The following KASH5 variants were observed in gnomAD, a reference collection of about 807,000 sequenced individuals.
The protein encoded by KASH5 is KASH domain containing 5, also known as protein KASH5.
Under a neutral mutation model 84.2 loss-of-function variants are expected in KASH5, and 72 were observed. The ratio of observed to expected loss-of-function variants is 0.85; its 90% confidence interval spans 0.71 to 1.04. The LOEUF (loss-of-function observed/expected upper bound fraction) is 1.04. Among genes scored for constraint, KASH5 ranks in the 50% least tolerant of loss-of-function variants. KASH5 has a pLI of 0.00. For missense variants in KASH5, 650 were observed against 701.0 expected (o/e 0.93, Z 0.82); for synonymous variants, 260 against 279.1 (o/e 0.93, Z 0.68).
intron 9 of KASH5, among the ~76,000 whole-genome samples, chr19:49,406,156 GAA>G (rs1284118212): frequency 6.7e-6 from 1 of 150,306 alleles, no homozygotes; most frequent in Admixed American, 6.6e-5. Context: ...ATCTGGAGGA[GAA>G]ACATCTCAGT....
At position 49,388,849 on chromosome 19, in the gene KASH5, A is replaced by G. The variant is rs1366954567; in HGVS notation, c.-96+522A>G. ...TGCCAGAAACTTTCCCCAAAATCCT[A>G]TTACTCTCCCCAGATCAGCAGAGCC... On this transcript the variant is annotated intron_variant, in intron 1 of 19. Coordinates refer to ENST00000447857, the MANE Select transcript of KASH5 (RefSeq NM_144688.5). Among the ~76,000 whole-genome samples, 35 of 151,802 alleles carry G rather than the reference A, an allele frequency of 2.3e-4. 1 individual carries two copies. Among genetic ancestry groups the G allele is most frequent in the Admixed American group, 2.2e-3 (33 of 15,244 alleles).
At chr19:49,415,815 C>T (rs1974887465) in intron 17 of KASH5, among the ~76,000 whole-genome samples, 1 of 152,210 alleles carries the variant, frequency 6.6e-6, no homozygotes, top group Non-Finnish European at 1.5e-5. Flanking sequence ...TGGGTCCCTG[C>T]CTGGCACAGC....
At position 49,407,653 on chromosome 19, in the gene KASH5, A is replaced by G; in HGVS notation, c.975A>G (p.Glu325=). ...AGAGCCTGGCCCAGACCCTGGAAGA[A>G]TACAGAGTGACGACGCAGGTAACTC... The part of the protein sequence containing the change: ...DVESLAQTLE[E]YRVTTQELRL... The change falls in exon 12 of 20, where the codon GAA becomes GAG. Residue 325 remains glutamate (E), a synonymous_variant. Coordinates refer to ENST00000447857, the MANE Select transcript of KASH5 (RefSeq NM_144688.5). 1.9e-6 allele frequency: 3 copies of G among 1,605,052 alleles called. No homozygotes were observed. Among genetic ancestry groups the G allele is most frequent in the East Asian group, 2.3e-5 (1 of 44,384 alleles).
chr19:49,400,049 C>T (rs1457691016), intron 9 of KASH5, among the ~76,000 whole-genome samples: 1 of 151,942 alleles, frequency 6.6e-6, no homozygotes, highest in East Asian at 1.9e-4. Context: ...GGCAACATGG[C>T]AAAACCTTGC....
chr19:49,415,180 G>GGGAGGCCT lies in KASH5; in HGVS notation c.1374+191_1374+198dup, dbSNP rs1215789892. ...CTAATGAGAGCGATGGTGAGGTGGG[G>GGGAGGCCT]GGAGGCCTGGAGGCTAGTGGGCGGC... On this transcript the variant is annotated intron_variant, in intron 17 of 19. Coordinates refer to ENST00000447857, the MANE Select transcript of KASH5 (RefSeq NM_144688.5). 8.9e-6 allele frequency: 6 copies of GGGAGGCCT among 672,760 alleles called. 1 individual carries two copies. The highest frequency in any genetic ancestry group is 1.5e-5 in the Non-Finnish European group (6 of 389,418). 41.7% of individuals were successfully genotyped at this position (672,760 alleles called of 1,614,324 possible).
chr19:49,394,726 A>G (rs1600899016), intron 3 of KASH5, 146 bp downstream of exon 3: 2 of 641,156 alleles, frequency 3.1e-6, no homozygotes, highest in South Asian at 3.7e-5. Context: ...GGGAAGCTTC[A>G]GGAAGAAGAA....
At chr19:49,405,773 A>G (rs969006931) in intron 9 of KASH5, among the ~76,000 whole-genome samples, 30 of 151,858 alleles carry the variant, frequency 2.0e-4, no homozygotes, top group African/African-American at 7.3e-4. Flanking sequence ...CCTGGCCAAC[A>G]TAGTGAAACC....
chr19:49,397,825 C>T lies in KASH5; in HGVS notation c.467+108C>T, dbSNP rs181198518. 51 of 1,460,220 alleles carry T rather than the reference C, an allele frequency of 3.5e-5. 1 individual carries two copies. The highest frequency in any genetic ancestry group is 1.4e-4 in the African/African-American group (10 of 71,388). The allele number at this position is 1,460,220 out of a possible 1,614,324, so 90.5% of individuals were successfully genotyped here. ...ATCCTTCAGGGAAATGAATGAGGGA[C>T]GGGGCTTTGCTGAAAGTTCAGGGAG... On this transcript the variant is annotated intron_variant, in intron 6 of 19. Coordinates refer to ENST00000447857, the MANE Select transcript of KASH5 (RefSeq NM_144688.5).
At chr19:49,394,783 G>A in intron 3 of KASH5, 4 of 593,948 alleles carry the variant, frequency 6.7e-6, no homozygotes, top group African/African-American at 1.9e-5. Context: ...AAACTTGGGG[G>A]ACGTTGATGG....
At chr19:49,403,947 C>T (rs79578508) in intron 9 of KASH5, among the ~76,000 whole-genome samples, 40 of 152,358 alleles carry the variant, frequency 2.6e-4, no homozygotes, top group Non-Finnish European at 3.7e-4. Flanking sequence ...TAACAAGACA[C>T]TCAGACACTG....
At chr19:49,409,478 C>G (rs1974642281) in intron 14 of KASH5, among the ~76,000 whole-genome samples, 195 bp downstream of exon 14, 1 of 152,204 alleles carries the variant, frequency 6.6e-6, no homozygotes, top group Non-Finnish European at 1.5e-5. Context: ...CAGGCCTGTG[C>G]CAGACCCCAG....
Position 49,395,836 on chromosome 19 carries a change from G to T in KASH5, c.400+3G>T. 6.4e-7 allele frequency: 1 copy of T among 1,556,054 alleles called. No individual in the cohort carries two copies. Among genetic ancestry groups the T allele is most frequent in the Non-Finnish European group, 8.7e-7 (1 of 1,149,674 alleles). ...GACCTCCCGGCAACTGCCATCTGGTGAGATTGCTATATATAGAATGAAGCA... is the reference window on the plus strand; with the variant it reads ...GACCTCCCGGCAACTGCCATCTGGTTAGATTGCTATATATAGAATGAAGCA... On this transcript the variant is annotated splice_donor_region_variant and intron_variant, in intron 5 of 19. Transcript: ENST00000447857. The surrounding 1 kb of genome is among the most constrained non-coding windows in gnomAD (Gnocchi z 4.4).
intron 16 of KASH5, among the ~76,000 whole-genome samples, chr19:49,413,773 T>A (rs1974803684): frequency 6.6e-6 from 1 of 152,010 alleles, no homozygotes; most frequent in South Asian, 2.1e-4. Context: ...AGGAAGGTGG[T>A]GAATACAACG....
rs750835432 is a variant in KASH5 at position 49,398,007 on chromosome 19, A to T, written c.493A>T (p.Ser165Cys). The change falls in exon 7 of 20, where the codon AGC (serine) becomes TGC (cysteine). Residue 165 changes from serine to cysteine, a missense_variant. Physicochemically the swap from Ser to Cys is moderately radical, Grantham distance 112. Transcript: ENST00000447857. ...ELQATADLLS[S>C]LEDLELSNRR... The stretch of plus-strand genomic sequence containing the variant: ...ACAAGCCACAGCTGACCTGCTGAGC[A>T]GCCTGGAGGACCTGGAGCTCAGCAA... 3.1e-6 allele frequency: 5 copies of T among 1,613,932 alleles called. No individual in the cohort carries two copies. The South Asian group carries it at 5.5e-5, about 18-fold the overall frequency.
Position 49,417,650 on chromosome 19 carries a change from T to TA in KASH5, c.*141dup. On this transcript the variant is annotated 3_prime_UTR_variant, in exon 20 of 20. Transcript: ENST00000447857. The surrounding 1 kb of genome is among the most constrained non-coding windows in gnomAD (Gnocchi z 5.2). Reference sequence around the variant, plus strand: ...CAGGGGATCCACATCCCTGTATTTTTATGTGAAGTCTCCTAGTTTTTTAAT... The same window carrying TA: ...CAGGGGATCCACATCCCTGTATTTTTAATGTGAAGTCTCCTAGTTTTTTAAT... The TA allele has an allele frequency of 9.2e-7, 1 of 1,084,274 alleles. No individual in the cohort carries two copies. Among genetic ancestry groups the TA allele is most frequent in the Non-Finnish European group, 1.2e-6 (1 of 819,004 alleles). 67.2% of individuals were successfully genotyped at this position (1,084,274 alleles called of 1,614,324 possible).
intron 2 of KASH5, among the ~76,000 whole-genome samples, chr19:49,391,952 AG>A (rs1255000646): frequency 6.6e-6 from 1 of 152,158 alleles, no homozygotes; most frequent in Non-Finnish European, 1.5e-5. Context: ...TTTTCTACAA[AG>A]CCCCAGACCT....
chr19:49,406,954 C>T lies in KASH5; in HGVS notation c.867C>T (p.Asp289=). 6 of 1,593,176 alleles carry T rather than the reference C, an allele frequency of 3.8e-6. No individual in the cohort carries two copies. The highest frequency in any genetic ancestry group is 4.3e-6 in the Non-Finnish European group (5 of 1,169,728). Residue 289 remains aspartate (D), a synonymous_variant, in exon 10 of 20, where the codon GAC becomes GAT. Coordinates refer to ENST00000447857, the MANE Select transcript of KASH5 (RefSeq NM_144688.5). ...KRSQELAMEK[D]TLKRQLFECE... ...GTCAGGAGCTGGCCATGGAGAAGGACACTTTGAAGGTGCCACTCCTTCCTA... is the reference window on the plus strand; with the variant it reads ...GTCAGGAGCTGGCCATGGAGAAGGATACTTTGAAGGTGCCACTCCTTCCTA...
intron 10 of KASH5, 111 bp from the exon 11 acceptor site, chr19:49,407,129 T>G (rs962669983): frequency 7.2e-7 from 1 of 1,383,972 alleles, no homozygotes; most frequent in Non-Finnish European, 1.0e-6. Context: ...CTGGAACATC[T>G]CAGGAGGCTG....
In KASH5 at chr19:49,414,467, G is replaced by A. The variant is rs1189743566; in HGVS notation, c.1329-484G>A. Among the ~76,000 whole-genome samples the A allele has an allele frequency of 6.6e-6, 1 of 152,036 alleles. No homozygotes were observed. The highest frequency in any genetic ancestry group is 1.9e-4 in the East Asian group (1 of 5,182). ...AGACAGGAAGGGGGTTTCGACACGT[G>A]CTCTGGGGTCTTACAGAGGCCTGAA... On this transcript the variant is annotated intron_variant, in intron 16 of 19. Coordinates refer to ENST00000447857, the MANE Select transcript of KASH5 (RefSeq NM_144688.5). The surrounding 1 kb of genome is among the most constrained non-coding windows in gnomAD (Gnocchi z 4.5).
Sources: gnomAD v4.1 joint callset for allele counts (sites outside exome capture counted in the v4.1 genomes callset) on GRCh38, gnomAD v4.1.1 for gene constraint, Gnocchi (gnomAD v3.1) non-coding constraint, MANE v1.5 for transcripts, NCBI Gene and HGNC (gene_info 2026-07-23, HGNC 2026-07-21) for gene names.